DTNB: variants seen among roughly 807,000 people sequenced by gnomAD.
The protein encoded by DTNB is DTN-B.
DTNB carries 63 observed loss-of-function variants against 90.7 expected under a neutral mutation model. That is an observed-to-expected ratio of 0.69 (90% CI 0.57 to 0.86). The LOEUF is 0.86. DTNB is among the 40% of genes least tolerant of loss of function. The probability of loss-of-function intolerance (pLI) is 0.00; values close to 1 mark genes in which losing one functional copy is unlikely to be tolerated. For missense variants in DTNB, 744 were observed against 807.1 expected (o/e 0.92, Z 0.95); for synonymous variants, 277 against 286.7 (o/e 0.97, Z 0.34).
At chr2:25,423,514 C>T (rs2050485575) in intron 15 of DTNB, among the ~76,000 whole-genome samples, 1 of 152,128 alleles carries the variant, frequency 6.6e-6, no homozygotes, top group South Asian at 2.1e-4. Flanking sequence ...TGAAAATTTA[C>T]TGTGAGATGT....
chr2:25,576,910 C>G lies in DTNB; in HGVS notation c.804G>C (p.Gln268His). The change falls in exon 8 of 21, where the codon CAG becomes CAC. Residue 268 changes from glutamine (Q) to histidine (H), a missense_variant. Coordinates refer to ENST00000406818, the MANE Select transcript of DTNB (RefSeq NM_021907.5). ...CQQCHNYQLC[Q>H]NCFWRGHAGG... ...CGGCATGGCCACGCCAAAAGCAATT[C>G]TGGCAGAGCTGATAGTTGTGGCACT... is the stretch of plus-strand genomic sequence containing the variant. 1 of 1,613,240 alleles carries G rather than the reference C, an allele frequency of 6.2e-7. No homozygotes were observed. Among genetic ancestry groups the G allele is most frequent in the Non-Finnish European group, 8.5e-7 (1 of 1,179,632 alleles).
intron 15 of DTNB, chr2:25,421,020 T>A (rs2049486719): frequency 6.6e-6 from 1 of 152,216 alleles, no homozygotes; most frequent in Admixed American, 6.5e-5. Context: ...GAGACTCAGC[T>A]CTTTGGCCTA....
intron 4 of DTNB, 145 bp downstream of exon 4, chr2:25,628,021 CTACCG>C: frequency 2.5e-6 from 2 of 803,290 alleles, no homozygotes; most frequent in Non-Finnish European, 3.9e-6. Context: ...CAGCTGTGAG[CTACCG>C]TGCCCAGCCA....
chr2:25,634,339 G>A (rs2076610265), intron 3 of DTNB, among the ~76,000 whole-genome samples: 2 of 133,104 alleles, frequency 1.5e-5, no homozygotes, highest in African/African-American at 5.4e-5. Context: ...GAGGTGGGGG[G>A]GTCAGCCCCC....
At chr2:25,490,434 G>T (rs760208734) in intron 9 of DTNB, among the ~76,000 whole-genome samples, 1 of 152,174 alleles carries the variant, frequency 6.6e-6, no homozygotes, top group Non-Finnish European at 1.5e-5. Flanking sequence ...TTTCTAGAAA[G>T]TGATTTGGCA....
chr2:25,548,894 A>G (rs780854236), intron 8 of DTNB, among the ~76,000 whole-genome samples: 8 of 152,206 alleles, frequency 5.3e-5, no homozygotes, highest in Non-Finnish European at 1.0e-4. Flanking sequence ...ATGTTTACAT[A>G]CACATAAATA....
At chr2:25,671,149 T>C (rs1160209512) in intron 1 of DTNB, among the ~76,000 whole-genome samples, 1 of 152,152 alleles carries the variant, frequency 6.6e-6, no homozygotes, top group East Asian at 1.9e-4. Flanking sequence ...TGGCAACTAA[T>C]TTATAAGTTA....
intron 1 of DTNB, among the ~76,000 whole-genome samples, chr2:25,666,826 C>T (rs954937994): frequency 2.0e-5 from 3 of 152,034 alleles, no homozygotes; most frequent in South Asian, 2.1e-4. Flanking sequence ...GATGAAGAAA[C>T]GGAGATATCT....
intron 16 of DTNB, among the ~76,000 whole-genome samples, chr2:25,413,116 A>G (rs912475363): frequency 6.6e-6 from 1 of 152,208 alleles, no homozygotes; most frequent in Non-Finnish European, 1.5e-5. Context: ...TATGCCATGT[A>G]TCAGTATATT....
At chr2:25,544,040 C>T (rs1319080455) in intron 8 of DTNB, among the ~76,000 whole-genome samples, 4 of 152,172 alleles carry the variant, frequency 2.6e-5, no homozygotes, top group Non-Finnish European at 5.9e-5. Flanking sequence ...GAGAAAGAAC[C>T]GCTGGCAACT....
chr2:25,653,880 G>A (rs936112467), intron 1 of DTNB, among the ~76,000 whole-genome samples: 18 of 152,072 alleles, frequency 1.2e-4, no homozygotes, highest in African/African-American at 4.1e-4. Flanking sequence ...GATGCCGTTC[G>A]TTCACCTGCT....
intron 10 of DTNB, among the ~76,000 whole-genome samples, chr2:25,475,255 C>T (rs1336688336): frequency 6.6e-6 from 1 of 152,240 alleles, no homozygotes; most frequent in Non-Finnish European, 1.5e-5. Context: ...TGGTACTCCA[C>T]TGTACACAGA....
chr2:25,544,665 T>C (rs2082049958), intron 8 of DTNB, among the ~76,000 whole-genome samples: 1 of 152,216 alleles, frequency 6.6e-6, no homozygotes, highest in Admixed American at 6.5e-5. Context: ...CTTACCACAA[T>C]CTTAATCAAC....
At position 25,650,161 on chromosome 2, in the gene DTNB, G is replaced by A. The variant is rs1332380495; in HGVS notation, c.67+2433C>T. The A allele has an allele frequency of 9.1e-6, 9 of 985,298 alleles. No individual in the cohort carries two copies. The South Asian group carries it at 1.9e-4, about 21-fold the overall frequency. 61.0% of individuals were successfully genotyped at this position (985,298 alleles called of 1,614,324 possible). On this transcript the variant is annotated intron_variant, in intron 2 of 20. Coordinates refer to ENST00000406818, the MANE Select transcript of DTNB (RefSeq NM_021907.5). ...TACTTCAGATCTCTACCCCATCAACGCCTGCATGCGTATTACTTAAGGCAC... is the reference window on the plus strand; with the variant it reads ...TACTTCAGATCTCTACCCCATCAACACCTGCATGCGTATTACTTAAGGCAC...
intron 1 of DTNB, among the ~76,000 whole-genome samples, chr2:25,665,890 C>T (rs1171938873): frequency 6.6e-6 from 1 of 152,036 alleles, no homozygotes; most frequent in Admixed American, 6.5e-5. Flanking sequence ...AGTAACTGCA[C>T]TCCACTACAA....
chr2:25,480,185 A>T (rs1345440013), intron 10 of DTNB, among the ~76,000 whole-genome samples: 1 of 152,178 alleles, frequency 6.6e-6, no homozygotes, highest in East Asian at 1.9e-4. Context: ...TGGGGGCTGT[A>T]ATGGTAGGGT....
At position 25,419,514 on chromosome 2, in the gene DTNB, C is replaced by G. The variant is rs936288311; in HGVS notation, c.1575+1G>C. ...GGCGGGAAATTCCGAAGTTCACTTA[C>G]TGCCTGCTTTTGCTCTTCCTCCTGG... On this transcript the variant is annotated splice_donor_variant, in intron 16 of 20. Coordinates refer to ENST00000406818, the MANE Select transcript of DTNB (RefSeq NM_021907.5). LOFTEE classifies it high-confidence loss of function. 13 of 1,558,800 alleles carry G rather than the reference C, an allele frequency of 8.3e-6. No homozygotes were observed. Among genetic ancestry groups the G allele is most frequent in the Non-Finnish European group, 1.0e-5 (12 of 1,151,014 alleles).
chr2:25,446,042 A>C (rs2058375001), intron 12 of DTNB, among the ~76,000 whole-genome samples: 1 of 152,068 alleles, frequency 6.6e-6, no homozygotes, highest in Admixed American at 6.6e-5. Context: ...GTAAATATTC[A>C]ATAAATACTA....
At chr2:25,664,626 G>C (rs1455748350) in intron 1 of DTNB, among the ~76,000 whole-genome samples, 1 of 152,160 alleles carries the variant, frequency 6.6e-6, no homozygotes. Context: ...ATATTTTCTT[G>C]TAACACCCTG....
Sources: gnomAD v4.1 joint callset for allele counts (sites outside exome capture counted in the v4.1 genomes callset) on GRCh38, gnomAD v4.1.1 for gene constraint, MANE v1.5 for transcripts, NCBI Gene and HGNC (gene_info 2026-07-23, HGNC 2026-07-21) for gene names.